FBXO4: variants seen among roughly 807,000 people sequenced by gnomAD.
FBXO4 encodes F-box only protein 4.
A neutral mutation model predicts 43.7 loss-of-function variants in FBXO4; 36 were observed. The observed-to-expected ratio is 0.82, with a 90% confidence interval of 0.63 to 1.09. The LOEUF (loss-of-function observed/expected upper bound fraction) is 1.09, where lower values mean the gene tolerates loss of function less well. FBXO4 is among the 50% of genes least tolerant of loss of function. The pLI, the probability that FBXO4 is intolerant of heterozygous loss-of-function variation, is 0.00. For synonymous variants in FBXO4, 180 were observed against 165.6 expected (o/e 1.09, Z -0.67); for missense variants, 435 against 474.1 (o/e 0.92, Z 0.77).
the FBXO4 span, among the ~76,000 whole-genome samples, chr5:42,014,256 C>T: frequency 6.6e-6 from 1 of 152,096 alleles, no homozygotes; most frequent in Non-Finnish European, 1.5e-5. Context: ...TCCGCTACCC[C>T]CATCTTCTGA....
At chr5:41,958,421 C>T in the FBXO4 span, among the ~76,000 whole-genome samples, 2 of 152,172 alleles carry the variant, frequency 1.3e-5, no homozygotes, top group Non-Finnish European at 2.9e-5. Flanking sequence ...GCGTGAGCAG[C>T]CCTGCCAGCC....
chr5:41,981,617 T>C, the FBXO4 span, among the ~76,000 whole-genome samples: 11 of 152,112 alleles, frequency 7.2e-5, no homozygotes, highest in East Asian at 1.9e-3. Context: ...CCAGAAATCT[T>C]TTCTACCAGC....
chr5:41,962,719 C>T, the FBXO4 span, among the ~76,000 whole-genome samples: 1 of 152,162 alleles, frequency 6.6e-6, no homozygotes. Flanking sequence ...GAAAGTTTCT[C>T]TTAGCATTCC....
the FBXO4 span, among the ~76,000 whole-genome samples, chr5:41,951,072 G>A: frequency 6.6e-5 from 10 of 152,116 alleles, no homozygotes; most frequent in Admixed American, 5.9e-4. Context: ...GGGGGTAGGG[G>A]GCTAAGGGAG....
chr5:42,011,300 G>A, the FBXO4 span, among the ~76,000 whole-genome samples: 1 of 152,186 alleles, frequency 6.6e-6, no homozygotes, highest in Non-Finnish European at 1.5e-5. Flanking sequence ...TATCATGGGA[G>A]TGAGTTCTAG....
At chr5:41,971,039 A>G in the FBXO4 span, among the ~76,000 whole-genome samples, 4 of 152,186 alleles carry the variant, frequency 2.6e-5, no homozygotes, top group Admixed American at 6.5e-5. Flanking sequence ...TGAATGGACA[A>G]ATAAACTGTA....
chr5:41,951,879 A>G, the FBXO4 span: 10 of 238,810 alleles, frequency 4.2e-5, no homozygotes, highest in Non-Finnish European at 7.4e-5. Context: ...TGAAGTTTCC[A>G]GGAGGAAATG....
Position 41,925,317 on chromosome 5 carries a change from G to T in FBXO4, c.8G>T (p.Gly3Val). MA[G>V]SEPRSGTNSP... ...CCACGCTGCGGGCAAGCCATGGCGGGAAGCGAGCCGCGCAGCGGAACAAAC... is the reference window on the plus strand; with the variant it reads ...CCACGCTGCGGGCAAGCCATGGCGGTAAGCGAGCCGCGCAGCGGAACAAAC... The change falls in exon 1 of 7, where the codon GGA becomes GTA. Residue 3 changes from glycine (G) to valine (V), a missense_variant. Transcript: ENST00000281623. 1 of 1,342,202 alleles carries T rather than the reference G, an allele frequency of 7.5e-7. No homozygotes were observed. The highest frequency in any genetic ancestry group is 1.9e-5 in the South Asian group (1 of 53,198). The allele number at this position is 1,342,202 out of a possible 1,614,324, so 83.1% of individuals were successfully genotyped here.
chr5:41,942,705 T>C (rs960367879), downstream of FBXO4, among the ~76,000 whole-genome samples: 3 of 152,134 alleles, frequency 2.0e-5, no homozygotes, highest in African/African-American at 7.2e-5. Context: ...TATTAACTCA[T>C]TTTTGTATGG....
the FBXO4 span, among the ~76,000 whole-genome samples, chr5:41,981,340 A>T: frequency 6.6e-6 from 1 of 151,950 alleles, no homozygotes; most frequent in African/African-American, 2.4e-5. Context: ...ATTATGAAGT[A>T]TTGCCTGAAA....
At chr5:42,019,973 C>T in the FBXO4 span, among the ~76,000 whole-genome samples, 1 of 151,948 alleles carries the variant, frequency 6.6e-6, no homozygotes. Flanking sequence ...AAAATTATTG[C>T]TGATTTTTTA....
chr5:41,926,093 G>T (rs1691457542), intron 1 of FBXO4, among the ~76,000 whole-genome samples: 1 of 152,088 alleles, frequency 6.6e-6, no homozygotes, highest in Admixed American at 6.5e-5. Flanking sequence ...TAAACTTTGG[G>T]GTAGATAGGT....
At chr5:41,951,515 C>T in the FBXO4 span, 3 of 257,308 alleles carry the variant, frequency 1.2e-5, no homozygotes, top group Non-Finnish European at 2.2e-5. Context: ...AGTCTGTTCG[C>T]CCTGAAATTC....
the FBXO4 span, among the ~76,000 whole-genome samples, chr5:42,020,206 A>G: frequency 5.9e-5 from 9 of 152,176 alleles, no homozygotes; most frequent in African/African-American, 2.2e-4. Flanking sequence ...TAGCCACAAG[A>G]AATTAAATAT....
intron 5 of FBXO4, among the ~76,000 whole-genome samples, chr5:41,935,797 G>C (rs1751834049): frequency 6.6e-6 from 1 of 152,210 alleles, no homozygotes; most frequent in Non-Finnish European, 1.5e-5. Flanking sequence ...GTGTGGAGAG[G>C]CTCTCCTTGC....
chr5:41,925,726 C>T (rs1751467794), intron 1 of FBXO4, among the ~76,000 whole-genome samples: 1 of 152,046 alleles, frequency 6.6e-6, no homozygotes, highest in South Asian at 2.1e-4. Flanking sequence ...AGGGAAGCAC[C>T]TTCATGGGGC....
the FBXO4 span, among the ~76,000 whole-genome samples, chr5:41,990,468 A>G: frequency 2.0e-5 from 3 of 152,220 alleles, no homozygotes; most frequent in African/African-American, 7.2e-5. Flanking sequence ...GATGACTGCT[A>G]TGAAAATATA....
At chr5:42,002,421 G>C in the FBXO4 span, among the ~76,000 whole-genome samples, 60 of 152,290 alleles carry the variant, frequency 3.9e-4, no homozygotes, top group East Asian at 9.6e-4. Context: ...TCAACAAAGA[G>C]ATATCTCTTG....
the FBXO4 span, among the ~76,000 whole-genome samples, chr5:41,969,488 T>A: frequency 6.6e-6 from 1 of 152,178 alleles, no homozygotes. Flanking sequence ...TGAACAGGAA[T>A]GTATTGGTTC....
Sources: gnomAD v4.1 joint callset for allele counts (sites outside exome capture counted in the v4.1 genomes callset) on GRCh38, gnomAD v4.1.1 for gene constraint, MANE v1.5 for transcripts, NCBI Gene and HGNC (gene_info 2026-07-23, HGNC 2026-07-21) for gene names.